The following ACOXL variants were observed in gnomAD, a reference collection of about 807,000 sequenced individuals.
The protein encoded by ACOXL is acyl-CoA oxidase like.
Under a neutral mutation model 71.9 loss-of-function variants are expected in ACOXL, and 70 were observed. The ratio of observed to expected loss-of-function variants is 0.97; its 90% confidence interval spans 0.80 to 1.19. ACOXL has a LOEUF of 1.19. Ranked by LOEUF, ACOXL falls within the 50% of genes most tolerant of loss-of-function variation. The pLI is 0.00. For synonymous variants in ACOXL, 253 were observed against 281.6 expected (o/e 0.90, Z 1.02); for missense variants, 703 against 736.3 (o/e 0.95, Z 0.52).
chr2:111,059,979 C>T (rs2066728803), intron 16 of ACOXL, among the ~76,000 whole-genome samples: 1 of 152,074 alleles, frequency 6.6e-6, no homozygotes, highest in African/African-American at 2.4e-5. Flanking sequence ...AAGACTCCTC[C>T]TGCCAGGCAG....
intron 9 of ACOXL, among the ~76,000 whole-genome samples, chr2:110,837,651 C>T (rs1206562832): frequency 6.6e-6 from 1 of 151,858 alleles, no homozygotes; most frequent in Non-Finnish European, 1.5e-5. Flanking sequence ...CAACTTGATG[C>T]AAAACAGCTG....
chr2:111,027,391 G>A (rs4849345), intron 14 of ACOXL, among the ~76,000 whole-genome samples: 47,716 of 150,722 alleles, frequency 0.32, 7,958 homozygotes, highest in Non-Finnish European at 0.36. Flanking sequence ...CCATGATCTC[G>A]GCTCACTACA....
intron 9 of ACOXL, among the ~76,000 whole-genome samples, chr2:110,832,536 C>A: frequency 7.1e-6 from 1 of 139,876 alleles, no homozygotes; most frequent in Non-Finnish European, 1.5e-5. Context: ...CAGAGCGAGA[C>A]TCCATCTCAA....
chr2:110,853,500 GAT>G (rs1295979045), intron 10 of ACOXL, among the ~76,000 whole-genome samples: 1 of 152,166 alleles, frequency 6.6e-6, no homozygotes, highest in East Asian at 1.9e-4. Flanking sequence ...TTTTTGTGTT[GAT>G]AAAATACTTT....
At chr2:110,799,825 A>C (rs899225991) in intron 7 of ACOXL, among the ~76,000 whole-genome samples, 1 of 152,130 alleles carries the variant, frequency 6.6e-6, no homozygotes, top group Admixed American at 6.5e-5. Context: ...AAATGCACCA[A>C]TCAGTGCTGT....
At chr2:110,845,792 A>T (rs1242957378) in intron 10 of ACOXL, among the ~76,000 whole-genome samples, 1 of 152,228 alleles carries the variant, frequency 6.6e-6, no homozygotes, top group Non-Finnish European at 1.5e-5. Flanking sequence ...ATAATATTCC[A>T]TAGCATGTAT....
chr2:111,029,202 G>A (rs1183005868), intron 14 of ACOXL, among the ~76,000 whole-genome samples: 3 of 152,224 alleles, frequency 2.0e-5, no homozygotes, highest in Non-Finnish European at 4.4e-5. Flanking sequence ...TCAGTAGCAT[G>A]TTTATTGCCT....
At chr2:110,832,848 A>G (rs1573740439) in intron 9 of ACOXL, among the ~76,000 whole-genome samples, 2 of 152,374 alleles carry the variant, frequency 1.3e-5, no homozygotes, top group South Asian at 2.1e-4. Flanking sequence ...ACTAGCTATT[A>G]GGGAAATGTA....
intron 10 of ACOXL, among the ~76,000 whole-genome samples, chr2:110,863,600 C>T (rs189738642): frequency 4.6e-5 from 7 of 152,266 alleles, no homozygotes; most frequent in South Asian, 4.1e-4. Flanking sequence ...AGCACCCCCC[C>T]CAACTGGTTG....
At chr2:110,907,651 C>T (rs1481862011) in intron 10 of ACOXL, among the ~76,000 whole-genome samples, 2 of 152,082 alleles carry the variant, frequency 1.3e-5, no homozygotes, top group Non-Finnish European at 2.9e-5. Context: ...TGTGCTCTTA[C>T]AAAATGAGGC....
rs565544789 is a variant in ACOXL at position 110,980,672 on chromosome 2, G to C, written c.1060-6436G>C. Reference sequence around the variant, plus strand: ...CTCCAGGTGCTGACACTGTCACTCAGTTCCCCAAAGCGCCTGGATAAAGGC... The same window carrying C: ...CTCCAGGTGCTGACACTGTCACTCACTTCCCCAAAGCGCCTGGATAAAGGC... On this transcript the variant is annotated intron_variant, in intron 12 of 17. Transcript: ENST00000439055. Among the ~76,000 whole-genome samples, 6 of 152,254 alleles carry C rather than the reference G, an allele frequency of 3.9e-5. No homozygotes were observed. In the South Asian group the frequency reaches 1.2e-3, roughly 32 times the overall value.
chr2:111,101,176 A>G (rs1180308768), intron 17 of ACOXL: 1 of 152,654 alleles, frequency 6.6e-6, no homozygotes, highest in Non-Finnish European at 1.5e-5. Flanking sequence ...ACACTCGTTT[A>G]CTATTTTAAT....
intron 14 of ACOXL, among the ~76,000 whole-genome samples, chr2:111,013,021 A>G (rs950086219): frequency 6.6e-6 from 1 of 152,228 alleles, no homozygotes; most frequent in Non-Finnish European, 1.5e-5. Flanking sequence ...AATGTTTAAT[A>G]AAATTTCTTG....
In ACOXL at chr2:110,798,686, C is replaced by G; in HGVS notation, c.422C>G (p.Ala141Gly). 1 of 1,614,164 alleles carries G rather than the reference C, an allele frequency of 6.2e-7. No individual in the cohort carries two copies. The highest frequency in any genetic ancestry group is 8.5e-7 in the Non-Finnish European group (1 of 1,180,030). Reference protein sequence around the residue: ...IGNAMYGNYAAVFAQLIIDGR... With the variant: ...IGNAMYGNYAGVFAQLIIDGR... ...AATGCCATGTACGGGAATTATGCAG[C>G]TGTCTTTGCCCAGCTCATCATAGAT... The change falls in exon 6 of 18, where the codon GCT becomes GGT. Residue 141 changes from alanine to glycine, a missense_variant. Coordinates refer to ENST00000439055, the MANE Select transcript of ACOXL (RefSeq NM_001142807.4).
chr2:110,950,766 C>T lies in ACOXL; in HGVS notation c.1059+17124C>T, dbSNP rs1236996108. Among the ~76,000 whole-genome samples, 3 of 148,776 alleles carry T rather than the reference C, an allele frequency of 2.0e-5. No homozygotes were observed. In the East Asian group the frequency reaches 6.1e-4, roughly 30 times the overall value. On this transcript the variant is annotated intron_variant, in intron 12 of 17. Coordinates refer to ENST00000439055, the MANE Select transcript of ACOXL (RefSeq NM_001142807.4). The stretch of plus-strand genomic sequence containing the variant: ...AAAGAGATCAATTATAAACTTTCTC[C>T]AGCAAGAATGAAGAATCAATCTTAA...
chr2:110,997,181 G>C (rs1184990546), intron 14 of ACOXL, among the ~76,000 whole-genome samples: 2 of 152,146 alleles, frequency 1.3e-5, no homozygotes, highest in Admixed American at 1.3e-4. Context: ...TAGAAGAAAA[G>C]GCTAAAGACA....
Position 111,016,998 on chromosome 2 carries a change from A to G in ACOXL, c.1282-14629A>G, listed in dbSNP as rs368408356. Among the ~76,000 whole-genome samples, 202 of 152,346 alleles carry G rather than the reference A, an allele frequency of 1.3e-3. 4 individuals are homozygous for G. The South Asian group carries it at 0.04, about 30-fold the overall frequency. On this transcript the variant is annotated intron_variant, in intron 14 of 17. Coordinates refer to ENST00000439055, the MANE Select transcript of ACOXL (RefSeq NM_001142807.4). ...CTCAGTTTCAGAAACAGGCAAATCAATGGGGACATGTGACAAGCTCTGGTC... is the reference window on the plus strand; with the variant it reads ...CTCAGTTTCAGAAACAGGCAAATCAGTGGGGACATGTGACAAGCTCTGGTC...
intron 14 of ACOXL, among the ~76,000 whole-genome samples, chr2:111,029,556 G>C (rs1397521853): frequency 2.6e-5 from 4 of 152,236 alleles, no homozygotes; most frequent in African/African-American, 9.6e-5. Flanking sequence ...GTTGGCTTCA[G>C]CCTCTTATTT....
chr2:110,968,003 A>G, intron 12 of ACOXL: 2 of 974,152 alleles, frequency 2.1e-6, no homozygotes, highest in South Asian at 2.6e-5. Flanking sequence ...CATCTAACCA[A>G]CAGAGATATC....
Sources: gnomAD v4.1 joint callset for allele counts (sites outside exome capture counted in the v4.1 genomes callset) on GRCh38, gnomAD v4.1.1 for gene constraint, MANE v1.5 for transcripts, NCBI Gene and HGNC (gene_info 2026-07-23, HGNC 2026-07-21) for gene names.